The following PHACTR1 variants were observed in gnomAD, a reference collection of about 807,000 sequenced individuals.
The protein encoded by PHACTR1 is RPEL repeat containing 1.
Under a neutral mutation model 69.2 loss-of-function variants are expected in PHACTR1, and 16 were observed. The observed-to-expected ratio is 0.23, with a 90% CI of 0.16 to 0.35. The LOEUF (loss-of-function observed/expected upper bound fraction) is 0.35, where lower values mean the gene tolerates loss of function less well. Among genes scored for constraint, PHACTR1 ranks in the 10% least tolerant of loss-of-function variants. The pLI, the probability that PHACTR1 is intolerant of heterozygous loss-of-function variation, is 1.00. For missense variants in PHACTR1, 510 were observed against 734.7 expected, an observed-to-expected ratio of 0.69 and a Z score of 3.54; for synonymous variants, 312 against 284.5, an observed-to-expected ratio of 1.10 and a Z score of -0.97.
intron 4 of PHACTR1, among the ~76,000 whole-genome samples, chr6:12,840,793 C>T (rs1427612775): frequency 6.6e-6 from 1 of 152,206 alleles, no homozygotes; most frequent in Non-Finnish European, 1.5e-5. Flanking sequence ...TTTTCTCTTG[C>T]TCTTTTTGTT....
intron 4 of PHACTR1, among the ~76,000 whole-genome samples, chr6:12,966,481 G>A (rs563839172): frequency 2.6e-5 from 4 of 152,278 alleles, no homozygotes; most frequent in African/African-American, 9.6e-5. Context: ...GAGACATTTT[G>A]GAGTTTCAGA....
intron 6 of PHACTR1, among the ~76,000 whole-genome samples, chr6:13,181,393 G>A (rs532480229): frequency 1.3e-5 from 2 of 152,300 alleles, no homozygotes; most frequent in Non-Finnish European, 2.9e-5. Context: ...GCTGGTTTCT[G>A]TTTCTGACTC....
chr6:12,830,125 GAAAGAA>G (rs955277626), intron 4 of PHACTR1, among the ~76,000 whole-genome samples: 1 of 126,610 alleles, frequency 7.9e-6, no homozygotes, highest in African/African-American at 3.1e-5. Context: ...AAGAAAGAAA[GAAAGAA>G]AGAAAGAAAG....
intron 4 of PHACTR1, among the ~76,000 whole-genome samples, chr6:12,827,446 A>G (rs1449015454): frequency 1.3e-5 from 2 of 152,214 alleles, no homozygotes; most frequent in Non-Finnish European, 2.9e-5. Context: ...GATGCCATTC[A>G]TTCTAACTTA....
At chr6:13,099,486 A>G (rs116701361) in intron 5 of PHACTR1, among the ~76,000 whole-genome samples, 4,363 of 152,262 alleles carry the variant, frequency 0.029, 192 homozygotes, top group African/African-American at 0.096. Context: ...AGAGCCACTG[A>G]TGGTGGGACA....
At chr6:12,962,142 T>A in intron 4 of PHACTR1, among the ~76,000 whole-genome samples, 1 of 151,994 alleles carries the variant, frequency 6.6e-6, no homozygotes, top group East Asian at 1.9e-4. Flanking sequence ...CGCTACGTTA[T>A]CCAGGCTGGT....
At chr6:13,086,862 G>C (rs906590611) in intron 5 of PHACTR1, among the ~76,000 whole-genome samples, 1 of 152,010 alleles carries the variant, frequency 6.6e-6, no homozygotes, top group Non-Finnish European at 1.5e-5. Flanking sequence ...TGCTGTGTTT[G>C]TACCACTTTG....
chr6:12,929,174 CCT>C (rs1020853971), intron 4 of PHACTR1, among the ~76,000 whole-genome samples: 1 of 152,150 alleles, frequency 6.6e-6, no homozygotes, highest in African/African-American at 2.4e-5. Flanking sequence ...GGACCCCTTG[CCT>C]AAAGCTGGGA....
chr6:12,756,343 TTTTG>T (rs1314148016), intron 4 of PHACTR1, among the ~76,000 whole-genome samples: 3 of 152,202 alleles, frequency 2.0e-5, no homozygotes, highest in Admixed American at 1.3e-4. Flanking sequence ...GTGTTTCATA[TTTTG>T]TTTCTCACTT....
At position 12,895,244 on chromosome 6, in the gene PHACTR1, T is replaced by C. The variant is rs192482463; in HGVS notation, c.250+145454T>C. ...TTGCCCAGGCTGGAGTGCAATGGCA[T>C]GATCTCGGCAAACTGCAGCCTCTGC... On this transcript the variant is annotated intron_variant, in intron 4 of 14. Transcript: ENST00000332995. Among the ~76,000 whole-genome samples the C allele has an allele frequency of 5.4e-3, 796 of 147,790 alleles. 11 individuals carry two copies. The highest frequency in any genetic ancestry group is 5.5e-3 in the Admixed American group (79 of 14,342).
At chr6:12,896,977 T>C (rs1784731380) in intron 4 of PHACTR1, among the ~76,000 whole-genome samples, 1 of 152,220 alleles carries the variant, frequency 6.6e-6, no homozygotes, top group Non-Finnish European at 1.5e-5. Context: ...TATGCCTTCT[T>C]GAGCAGTTAG....
chr6:13,131,208 TACACACAC>T (rs56329629), intron 5 of PHACTR1, among the ~76,000 whole-genome samples: 35 of 146,466 alleles, frequency 2.4e-4, no homozygotes, highest in Admixed American at 1.1e-3. Flanking sequence ...TATATACACA[TACACACAC>T]ACACACACAC....
rs752715407 is a variant in PHACTR1 at position 13,283,624 on chromosome 6, C to T, written c.1650+62C>T. ...ACCGTCTGCTGGGTCTCGCTGGGCT[C>T]ACCGCTGGGGAGCGTGTAGGGAGAC... is the stretch of plus-strand genomic sequence containing the variant. On this transcript the variant is annotated intron_variant, in intron 13 of 14. Coordinates refer to ENST00000332995, the MANE Select transcript of PHACTR1 (RefSeq NM_030948.6). The surrounding 1 kb of genome is among the most constrained non-coding windows in gnomAD (Gnocchi z 4.7). 4 of 1,611,804 alleles carry T rather than the reference C, an allele frequency of 2.5e-6. No homozygotes were observed. Among genetic ancestry groups the T allele is most frequent in the Non-Finnish European group, 3.4e-6 (4 of 1,179,336 alleles).
intron 4 of PHACTR1, among the ~76,000 whole-genome samples, chr6:12,830,126 AAAGAAAGAAAG>A (rs1446579500): frequency 4.6e-5 from 6 of 131,380 alleles, no homozygotes; most frequent in Admixed American, 4.5e-4. Flanking sequence ...AGAAAGAAAG[AAAGAAAGAAAG>A]AAAGAAAGAA....
intron 4 of PHACTR1, among the ~76,000 whole-genome samples, chr6:12,890,400 CG>C (rs1190736663): frequency 3.9e-5 from 6 of 152,094 alleles, no homozygotes; most frequent in African/African-American, 1.4e-4. Flanking sequence ...AGTTGCAAGG[CG>C]GACTATGAGC....
rs533829300 is a variant in PHACTR1, at chr6:13,195,714, C to T, written c.665-10101C>T. Among the ~76,000 whole-genome samples, 17 of 130,450 alleles carry T rather than the reference C, an allele frequency of 1.3e-4. No homozygotes were observed. The South Asian group carries it at 3.2e-3, about 25-fold the overall frequency. 85.6% of individuals were successfully genotyped at this position (130,450 alleles called of 152,430 possible). The stretch of plus-strand genomic sequence containing the variant: ...CGGACATTGCAGTGAGCTGAGATCG[C>T]GCCACTGTACTCCAGCCTGGGCGAC... On this transcript the variant is annotated intron_variant, in intron 7 of 14. Transcript: ENST00000332995.
chr6:12,757,377 G>C (rs543850599), intron 4 of PHACTR1, among the ~76,000 whole-genome samples: 1 of 152,230 alleles, frequency 6.6e-6, no homozygotes, highest in East Asian at 1.9e-4. Flanking sequence ...GAAAAGATTT[G>C]GTGGACCTTG....
chr6:13,074,987 C>T (rs903183884), intron 5 of PHACTR1, among the ~76,000 whole-genome samples: 1 of 152,146 alleles, frequency 6.6e-6, no homozygotes, highest in Admixed American at 6.5e-5. Context: ...ATGAAAGAAA[C>T]ATTTGAGTGT....
chr6:12,937,705 G>T (rs1789620006), intron 4 of PHACTR1, among the ~76,000 whole-genome samples: 1 of 152,202 alleles, frequency 6.6e-6, no homozygotes, highest in Non-Finnish European at 1.5e-5. Context: ...AGAGGGTGCT[G>T]AGTAGCAATC....
Sources: allele counts gnomAD v4.1 joint callset (sites outside exome capture counted in the v4.1 genomes callset), GRCh38; gene constraint gnomAD v4.1.1; non-coding constraint Gnocchi (gnomAD v3.1); transcripts MANE v1.5; gene names NCBI Gene and HGNC (gene_info 2026-07-23, HGNC 2026-07-21).